The following MECOM variants were observed in gnomAD, a reference collection of about 807,000 sequenced individuals.
MECOM encodes the protein histone-lysine N-methyltransferase MECOM.
Under a neutral mutation model 116.3 loss-of-function variants are expected in MECOM, and 13 were observed. That is an observed-to-expected ratio of 0.11 (90% CI 0.07 to 0.18). MECOM has a LOEUF of 0.18. MECOM is among the 10% of genes least tolerant of loss of function. MECOM has a pLI of 1.00. For missense variants in MECOM, 1,299 were observed against 1,509.0 expected, an observed-to-expected ratio of 0.86 and a Z score of 2.31; for synonymous variants, 528 against 535.2, an observed-to-expected ratio of 0.99 and a Z score of 0.19.
intron 1 of MECOM, among the ~76,000 whole-genome samples, chr3:169,436,540 G>A (rs181674813): frequency 6.6e-6 from 1 of 152,178 alleles, no homozygotes; most frequent in East Asian, 1.9e-4. Flanking sequence ...GTGAGGCACC[G>A]TGCCTGGCCC....
chr3:169,487,802 G>T (rs1296588111), intron 1 of MECOM, among the ~76,000 whole-genome samples: 2 of 149,952 alleles, frequency 1.3e-5, no homozygotes, highest in Admixed American at 6.7e-5. Flanking sequence ...GGGAGGGTCG[G>T]GGTGGGGGGA....
intron 1 of MECOM, among the ~76,000 whole-genome samples, chr3:169,573,441 A>T (rs1440064833): frequency 6.6e-6 from 1 of 152,204 alleles, no homozygotes; most frequent in Non-Finnish European, 1.5e-5. Context: ...TGGGCTGGTC[A>T]TCATGTGAGG....
At chr3:169,175,209 C>A (rs916652844) in intron 2 of MECOM, among the ~76,000 whole-genome samples, 1 of 152,102 alleles carries the variant, frequency 6.6e-6, no homozygotes, top group Non-Finnish European at 1.5e-5. Flanking sequence ...TCTATTATTG[C>A]ATTTAAGTCA....
chr3:169,579,608 G>T (rs906029511), intron 1 of MECOM, among the ~76,000 whole-genome samples: 1 of 152,204 alleles, frequency 6.6e-6, no homozygotes, highest in Non-Finnish European at 1.5e-5. Context: ...GGTATAAAGG[G>T]GTGAGCCCCA....
chr3:169,280,848 C>G lies in MECOM; in HGVS notation c.375+100339G>C, dbSNP rs545288943. On this transcript the variant is annotated intron_variant, in intron 2 of 16. Transcript: ENST00000651503. ...CAACAATCTGGGGCTGTTGTGATGG[C>G]CCAGCAGAGAGACACAGATGGCTCG... is the stretch of plus-strand genomic sequence containing the variant. Among the ~76,000 whole-genome samples the G allele has an allele frequency of 3.3e-5, 5 of 152,226 alleles. No individual in the cohort carries two copies. In the South Asian group the frequency reaches 1.0e-3, roughly 32 times the overall value.
intron 2 of MECOM, among the ~76,000 whole-genome samples, chr3:169,304,608 G>A (rs2149718271): frequency 6.6e-6 from 1 of 152,224 alleles, no homozygotes; most frequent in East Asian, 1.9e-4. Context: ...AGATAAAATG[G>A]CAGTCTAGCT....
intron 1 of MECOM, among the ~76,000 whole-genome samples, chr3:169,471,660 C>G (rs1223285929): frequency 6.6e-6 from 1 of 152,182 alleles, no homozygotes; most frequent in African/African-American, 2.4e-5. Flanking sequence ...ATGTTAACCA[C>G]TCTCCTTTGC....
At chr3:169,212,636 GTATATATATATATATA>G (rs61115570) in intron 2 of MECOM, among the ~76,000 whole-genome samples, 11 of 26,064 alleles carry the variant, frequency 4.2e-4, no homozygotes, top group South Asian at 3.4e-3. Flanking sequence ...AGTCAGCAAT[GTATATATATATATATA>G]TATATATATA....
intron 1 of MECOM, among the ~76,000 whole-genome samples, chr3:169,462,609 GA>G (rs1747636849): frequency 6.6e-6 from 1 of 152,228 alleles, no homozygotes; most frequent in East Asian, 1.9e-4. Context: ...ATGAAGACTT[GA>G]AATTTTTATG....
intron 1 of MECOM, among the ~76,000 whole-genome samples, chr3:169,646,591 T>G (rs1774220730): frequency 1.3e-5 from 2 of 152,146 alleles, no homozygotes; most frequent in South Asian, 4.1e-4. Context: ...CCAAGTCATT[T>G]GGATATTAAA....
intron 2 of MECOM, among the ~76,000 whole-genome samples, chr3:169,377,487 C>A (rs1227783165): frequency 6.6e-6 from 1 of 152,080 alleles, no homozygotes; most frequent in African/African-American, 2.4e-5. Context: ...AAAAAACAAA[C>A]AACCCCATCA....
chr3:169,558,207 A>G (rs1560430338), intron 1 of MECOM, among the ~76,000 whole-genome samples: 1 of 152,186 alleles, frequency 6.6e-6, no homozygotes, highest in Non-Finnish European at 1.5e-5. Flanking sequence ...TCCTGCTCCA[A>G]TAAACTATGA....
chr3:169,574,840 A>C (rs1173932972), intron 1 of MECOM, among the ~76,000 whole-genome samples: 1 of 151,198 alleles, frequency 6.6e-6, no homozygotes, highest in Non-Finnish European at 1.5e-5. Context: ...AAAAAAAAAA[A>C]CTTTTCAATT....
At chr3:169,630,509 G>A (rs182011276) in intron 1 of MECOM, among the ~76,000 whole-genome samples, 1 of 149,906 alleles carries the variant, frequency 6.7e-6, no homozygotes, top group Admixed American at 6.6e-5. Flanking sequence ...CTGAAATACA[G>A]TGGTATGATC....
intron 1 of MECOM, among the ~76,000 whole-genome samples, chr3:169,461,171 A>C (rs922596041): frequency 2.0e-5 from 3 of 152,034 alleles, no homozygotes; most frequent in African/African-American, 7.2e-5. Flanking sequence ...TGAATCTTCC[A>C]CTTGCGCCAC....
chr3:169,101,284 A>T (rs1723466116), intron 11 of MECOM, among the ~76,000 whole-genome samples: 3 of 152,192 alleles, frequency 2.0e-5, no homozygotes, highest in African/African-American at 7.2e-5. Flanking sequence ...GAACCAGATA[A>T]GGGGATAAAA....
At chr3:169,182,218 A>G (rs1746059934) in intron 2 of MECOM, among the ~76,000 whole-genome samples, 1 of 152,218 alleles carries the variant, frequency 6.6e-6, no homozygotes, top group Admixed American at 6.5e-5. Flanking sequence ...CTATTATTAA[A>G]TGTCTGCATA....
chr3:169,483,202 A>ATTTTTTTTT (rs200735642), intron 1 of MECOM, among the ~76,000 whole-genome samples: 2 of 102,980 alleles, frequency 1.9e-5, no homozygotes, highest in African/African-American at 6.9e-5. Context: ...TTTTATTTTT[A>ATTTTTTTTT]TTTTTTTTTT....
chr3:169,362,404 G>A (rs1728452147), intron 2 of MECOM, among the ~76,000 whole-genome samples: 1 of 151,852 alleles, frequency 6.6e-6, no homozygotes, highest in South Asian at 2.1e-4. Flanking sequence ...AAGTTCCCAA[G>A]TCTGACTTGT....
Sources: gnomAD v4.1 joint callset for allele counts (sites outside exome capture counted in the v4.1 genomes callset) on GRCh38, gnomAD v4.1.1 for gene constraint, MANE v1.5 for transcripts, NCBI Gene and HGNC (gene_info 2026-07-23, HGNC 2026-07-21) for gene names.